The following DLG2 variants were observed in gnomAD, a reference collection of about 807,000 sequenced individuals.
DLG2 encodes the protein discs large MAGUK scaffold protein 2, also known as disks large homolog 2.
Under a neutral mutation model 132.5 loss-of-function variants are expected in DLG2, and 45 were observed. That is an observed-to-expected ratio of 0.34 (90% confidence interval 0.27 to 0.44). DLG2 has a LOEUF of 0.44. Among genes scored for constraint, DLG2 ranks in the 20% least tolerant of loss-of-function variants. DLG2 has a pLI of 1.00. For synonymous variants in DLG2, 424 were observed against 419.6 expected (o/e 1.01, Z -0.13); for missense variants, 1,045 against 1,196.9 (o/e 0.87, Z 1.87).
At chr11:83,958,622 C>T (rs1449629694) in intron 14 of DLG2, among the ~76,000 whole-genome samples, 3 of 151,926 alleles carry the variant, frequency 2.0e-5, no homozygotes, top group Non-Finnish European at 2.9e-5. Context: ...TTTTTTGTTT[C>T]ATTTTAGTAC....
At chr11:85,381,949 A>G (rs921300069) in intron 3 of DLG2, among the ~76,000 whole-genome samples, 1 of 152,162 alleles carries the variant, frequency 6.6e-6, no homozygotes, top group African/African-American at 2.4e-5. Flanking sequence ...CTTTATCAAA[A>G]TCCCAGCTGA....
chr11:83,499,895 A>ATATATATATACATCTATC (rs1296866569), intron 21 of DLG2, among the ~76,000 whole-genome samples: 4 of 114,554 alleles, frequency 3.5e-5, no homozygotes, highest in African/African-American at 1.4e-4. Context: ...ATATATATAT[A>ATATATATATACATCTATC]TATCAGTTCT....
intron 3 of DLG2, chr11:85,285,950 C>A: frequency 3.1e-6 from 1 of 325,522 alleles, no homozygotes; most frequent in Non-Finnish European, 5.9e-6. Context: ...AAAAAGTAAA[C>A]CTTAACGTAG....
intron 6 of DLG2, among the ~76,000 whole-genome samples, chr11:85,017,250 G>C (rs1220112876): frequency 6.6e-6 from 1 of 151,828 alleles, no homozygotes; most frequent in African/African-American, 2.4e-5. Flanking sequence ...TAGGTGTTTT[G>C]GTTTTTTGTT....
intron 7 of DLG2, among the ~76,000 whole-genome samples, chr11:84,517,963 T>C (rs898692696): frequency 1.1e-4 from 17 of 151,770 alleles, no homozygotes; most frequent in African/African-American, 3.6e-4. Context: ...CTCATAGAAG[T>C]AGAGAGTAGA....
chr11:85,335,110 G>A (rs1460538036), intron 3 of DLG2, among the ~76,000 whole-genome samples: 2 of 152,030 alleles, frequency 1.3e-5, no homozygotes, highest in African/African-American at 4.8e-5. Context: ...TCCAGTGTTG[G>A]GTGCATATAT....
At chr11:84,671,376 T>A (rs1353393552) in intron 6 of DLG2, among the ~76,000 whole-genome samples, 1 of 152,104 alleles carries the variant, frequency 6.6e-6, no homozygotes, top group Non-Finnish European at 1.5e-5. Flanking sequence ...GTGCTGGAAT[T>A]ACAAGTGTGA....
intron 17 of DLG2, among the ~76,000 whole-genome samples, chr11:83,816,366 A>C (rs1420596794): frequency 6.6e-6 from 1 of 152,156 alleles, no homozygotes; most frequent in Non-Finnish European, 1.5e-5. Flanking sequence ...ATTTTCCCAG[A>C]CTGTCTGTCT....
At chr11:84,090,228 A>G (rs1485325238) in intron 10 of DLG2, among the ~76,000 whole-genome samples, 1 of 152,040 alleles carries the variant, frequency 6.6e-6, no homozygotes, top group Non-Finnish European at 1.5e-5. Flanking sequence ...AGCCTGGCCA[A>G]CATGGTGAAA....
At chr11:85,391,877 C>A (rs1331541679) in intron 3 of DLG2, among the ~76,000 whole-genome samples, 1 of 151,972 alleles carries the variant, frequency 6.6e-6, no homozygotes, top group Non-Finnish European at 1.5e-5. Flanking sequence ...AGAACTGGAC[C>A]AAGACAATGA....
At chr11:85,015,206 G>A (rs558837790) in intron 6 of DLG2, among the ~76,000 whole-genome samples, 1 of 152,098 alleles carries the variant, frequency 6.6e-6, no homozygotes, top group Admixed American at 6.6e-5. Context: ...GTTTTATTTG[G>A]TCTTTGGAAA....
intron 6 of DLG2, among the ~76,000 whole-genome samples, chr11:84,986,301 G>T (rs1045660318): frequency 1.3e-5 from 2 of 151,868 alleles, no homozygotes; most frequent in South Asian, 4.2e-4. Flanking sequence ...AGATTGAAAT[G>T]GTAATTTAAA....
intron 6 of DLG2, among the ~76,000 whole-genome samples, chr11:84,711,889 T>C (rs1463127261): frequency 1.3e-5 from 2 of 152,086 alleles, no homozygotes; most frequent in Non-Finnish European, 2.9e-5. Flanking sequence ...AGGTACCACA[T>C]TAAGTAATGC....
chr11:85,191,160 GCGCACA>G (rs1555395202), intron 4 of DLG2, among the ~76,000 whole-genome samples: 21 of 101,106 alleles, frequency 2.1e-4, no homozygotes, highest in African/African-American at 8.3e-4. Flanking sequence ...GCGCGCACGC[GCGCACA>G]CACACACACA....
chr11:83,752,511 A>G (rs1164419656), intron 18 of DLG2, among the ~76,000 whole-genome samples: 1 of 152,206 alleles, frequency 6.6e-6, no homozygotes, highest in Admixed American at 6.5e-5. Flanking sequence ...TTGAAAATTG[A>G]GAAGTGACAA....
At chr11:85,613,534 G>T (rs1459746371) in intron 2 of DLG2, among the ~76,000 whole-genome samples, 1 of 152,164 alleles carries the variant, frequency 6.6e-6, no homozygotes, top group Non-Finnish European at 1.5e-5. Flanking sequence ...ATAGCTAAAG[G>T]ATTGTAAATG....
At chr11:84,862,740 G>T (rs1054060255) in intron 6 of DLG2, among the ~76,000 whole-genome samples, 8 of 139,804 alleles carry the variant, frequency 5.7e-5, no homozygotes, top group Non-Finnish European at 1.1e-4. Context: ...AACGTCGCAT[G>T]TTCTCACTCA....
intron 5 of DLG2, among the ~76,000 whole-genome samples, chr11:85,146,062 G>A (rs1039441257): frequency 7.2e-5 from 11 of 152,104 alleles, no homozygotes; most frequent in Admixed American, 2.6e-4. Flanking sequence ...GGGAGATACC[G>A]CAGAACTAGT....
chr11:85,250,784 T>G (rs1312699262), intron 4 of DLG2, among the ~76,000 whole-genome samples: 2 of 152,170 alleles, frequency 1.3e-5, no homozygotes, highest in African/African-American at 4.8e-5. Flanking sequence ...AGCTCTCCCT[T>G]AGACAAGCTC....
Sources: allele counts gnomAD v4.1 joint callset (sites outside exome capture counted in the v4.1 genomes callset), GRCh38; gene constraint gnomAD v4.1.1; transcripts MANE v1.5; gene names NCBI Gene and HGNC (gene_info 2026-07-23, HGNC 2026-07-21).